The following GSDME variants were observed in gnomAD, a reference collection of about 807,000 sequenced individuals.
The protein encoded by GSDME is gasdermin E, also known as gasdermin-E.
In GSDME, 44 loss-of-function variants were observed where a neutral mutation model predicts 47.5. The ratio of observed to expected loss-of-function variants is 0.93; its 90% CI spans 0.73 to 1.19. GSDME has a LOEUF of 1.19. Among genes scored for constraint, GSDME ranks in the 50% most tolerant of loss-of-function variants. The pLI, the probability that GSDME is intolerant of heterozygous loss-of-function variation, is 0.00. For missense variants in GSDME, 663 were observed against 604.2 expected (o/e 1.10, Z -1.02); for synonymous variants, 258 against 252.8 (o/e 1.02, Z -0.20).
intron 3 of GSDME, among the ~76,000 whole-genome samples, chr7:24,731,280 A>G (rs1790136268): frequency 6.6e-6 from 1 of 152,246 alleles, no homozygotes; most frequent in Non-Finnish European, 1.5e-5. Context: ...TACAAAGAAC[A>G]GCCTGTGTGC....
the GSDME span, among the ~76,000 whole-genome samples, chr7:24,779,498 G>GGTATGTGTGT: frequency 7.0e-6 from 1 of 143,050 alleles, no homozygotes; most frequent in Non-Finnish European, 1.5e-5. The surrounding 1 kb of genome is among the most constrained non-coding windows in gnomAD (Gnocchi z 6.0). Context: ...AGTGATACAT[G>GGTATGTGTGT]GTGTGTGTGT....
At chr7:24,747,261 G>A (rs1265532024) in intron 2 of GSDME, among the ~76,000 whole-genome samples, 4 of 152,218 alleles carry the variant, frequency 2.6e-5, no homozygotes, top group African/African-American at 9.6e-5. Context: ...GGAGGGTGAT[G>A]TAAAATTAAT....
chr7:24,786,183 C>T, the GSDME span, among the ~76,000 whole-genome samples: 1 of 152,192 alleles, frequency 6.6e-6, no homozygotes, highest in East Asian at 1.9e-4. The surrounding 1 kb of genome is among the most constrained non-coding windows in gnomAD (Gnocchi z 5.5). Context: ...AAGTGGCCTA[C>T]CCAAAGTCTA....
the GSDME span, among the ~76,000 whole-genome samples, chr7:24,769,973 C>A: frequency 2.0e-5 from 3 of 152,078 alleles, no homozygotes; most frequent in South Asian, 6.2e-4. Context: ...CTCCTAAAAC[C>A]CTTGGAACTC....
the GSDME span, among the ~76,000 whole-genome samples, chr7:24,780,523 T>C: frequency 6.6e-6 from 1 of 152,204 alleles, no homozygotes; most frequent in Non-Finnish European, 1.5e-5. This position sits in a 1 kb window ranked among gnomAD's most constrained non-coding sequence, Gnocchi z 4.1. Context: ...TTCACACTCC[T>C]ACCGCTTTGT....
At chr7:24,793,712 A>T in the GSDME span, among the ~76,000 whole-genome samples, 1 of 152,044 alleles carries the variant, frequency 6.6e-6, no homozygotes, top group Non-Finnish European at 1.5e-5. Context: ...TTCTTTAAAC[A>T]ACCAGTTAAT....
rs764364904 is a variant in GSDME, at chr7:24,744,580, A to C, written c.386T>G (p.Ile129Ser). 4 of 1,614,206 alleles carry C rather than the reference A, an allele frequency of 2.5e-6. No individual in the cohort carries two copies. The South Asian group carries it at 4.4e-5, about 18-fold the overall frequency. Residue 129 changes from isoleucine (I) to serine (S), a missense_variant, in exon 3 of 10, where the codon ATC (isoleucine) becomes AGC (serine). Coordinates refer to ENST00000645220, the MANE Select transcript of GSDME (RefSeq NM_001127453.2). The surrounding 1 kb of genome is among the most constrained non-coding windows in gnomAD (Gnocchi z 4.5). ...TCCTTACCTCTCGGCAGAGTCTCTGATGAGCTGCTGCAAATCCACCTCCTG... is the reference window on the plus strand; with the variant it reads ...TCCTTACCTCTCGGCAGAGTCTCTGCTGAGCTGCTGCAAATCCACCTCCTG... ...RKQEVDLQQL[I>S]RDSAERTINL...
chr7:24,730,583 G>T (rs1308788514), intron 3 of GSDME, among the ~76,000 whole-genome samples: 1 of 152,192 alleles, frequency 6.6e-6, no homozygotes, highest in Non-Finnish European at 1.5e-5. Context: ...TTGGGAGGCT[G>T]AGATGGGCAG....
chr7:24,778,614 C>G, the GSDME span, among the ~76,000 whole-genome samples: 3 of 152,104 alleles, frequency 2.0e-5, no homozygotes, highest in African/African-American at 7.2e-5. The surrounding 1 kb of genome is among the most constrained non-coding windows in gnomAD (Gnocchi z 5.6). Context: ...GTTGGCTGGC[C>G]GACATGCAGG....
the GSDME span, among the ~76,000 whole-genome samples, chr7:24,769,200 A>G: frequency 1.2e-4 from 18 of 152,202 alleles, no homozygotes; most frequent in Admixed American, 3.3e-4. Context: ...AGAGACTCAC[A>G]ACTTACCAGA....
intron 1 of GSDME, among the ~76,000 whole-genome samples, chr7:24,755,053 A>C (rs1790971903): frequency 6.6e-6 from 1 of 152,230 alleles, no homozygotes; most frequent in African/African-American, 2.4e-5. Context: ...CAGTGTGAGG[A>C]AGCTGAGGTT....
chr7:24,729,996 G>A (rs1005170038), intron 3 of GSDME, among the ~76,000 whole-genome samples: 4 of 152,194 alleles, frequency 2.6e-5, no homozygotes, highest in African/African-American at 9.7e-5. Flanking sequence ...ATATTTAAGA[G>A]GCAGAATCAA....
chr7:24,702,067 C>T (rs540416650), intron 9 of GSDME, among the ~76,000 whole-genome samples: 16 of 152,172 alleles, frequency 1.1e-4, no homozygotes, highest in African/African-American at 2.2e-4. Context: ...ATAATCAGAC[C>T]GTGTGTGCTC....
At chr7:24,762,452 T>A (rs1791181325), upstream of GSDME, among the ~76,000 whole-genome samples, 1 of 152,182 alleles carries the variant, frequency 6.6e-6, no homozygotes, top group Non-Finnish European at 1.5e-5. Flanking sequence ...ATATACAAAC[T>A]TTTTTCATCT....
At position 24,714,852 on chromosome 7, in the gene GSDME, G is replaced by T. The variant is rs373966375; in HGVS notation, c.697+2402C>A. On this transcript the variant is annotated intron_variant, in intron 5 of 9. Coordinates refer to ENST00000645220, the MANE Select transcript of GSDME (RefSeq NM_001127453.2). This position sits in a 1 kb window ranked among gnomAD's most constrained non-coding sequence, Gnocchi z 5.0. ...AGCCCAGGCCTGGGTCCCCGCCACC[G>T]AAGGGTCCGCAGAGCACTCCTGGGC... Among the ~76,000 whole-genome samples, 278 of 152,310 alleles carry T rather than the reference G, an allele frequency of 1.8e-3. 2 individuals carry two copies. Among genetic ancestry groups the T allele is most frequent in the African/African-American group, 6.2e-3 (258 of 41,572 alleles).
chr7:24,766,488 G>A, the GSDME span, among the ~76,000 whole-genome samples: 12 of 151,978 alleles, frequency 7.9e-5, no homozygotes, highest in African/African-American at 2.4e-4. The surrounding 1 kb of genome is among the most constrained non-coding windows in gnomAD (Gnocchi z 4.2). Flanking sequence ...GGTGTGTGAC[G>A]TTGCCCTCCC....
intron 8 of GSDME, chr7:24,704,811 C>G (rs1276594012): frequency 6.6e-6 from 1 of 152,030 alleles, no homozygotes; most frequent in African/African-American, 2.4e-5. Flanking sequence ...CTCCACAGCC[C>G]CTCAAGTAGC....
chr7:24,730,632 T>C (rs566059977), intron 3 of GSDME, among the ~76,000 whole-genome samples: 2 of 152,090 alleles, frequency 1.3e-5, no homozygotes, highest in South Asian at 2.1e-4. Context: ...CTGGCCAATA[T>C]GGTGAAACCC....
At chr7:24,780,954 T>C in the GSDME span, among the ~76,000 whole-genome samples, 1 of 152,336 alleles carries the variant, frequency 6.6e-6, no homozygotes, top group South Asian at 2.1e-4. The surrounding 1 kb of genome is among the most constrained non-coding windows in gnomAD (Gnocchi z 4.1). Context: ...TTTTAACATG[T>C]ACCCAGGTGA....
Sources: gnomAD v4.1 joint callset for allele counts (sites outside exome capture counted in the v4.1 genomes callset) on GRCh38, gnomAD v4.1.1 for gene constraint, Gnocchi (gnomAD v3.1) non-coding constraint, MANE v1.5 for transcripts, NCBI Gene and HGNC (gene_info 2026-07-23, HGNC 2026-07-21) for gene names.